The following SP110 variants were observed in gnomAD, a reference collection of about 807,000 sequenced individuals.
SP110 encodes the protein SP110 nuclear body protein.
SP110 carries 62 observed loss-of-function variants against 92.7 expected under a neutral mutation model. That is an observed-to-expected ratio of 0.67 (90% CI 0.55 to 0.83). The LOEUF (loss-of-function observed/expected upper bound fraction) is 0.83, where lower values mean the gene tolerates loss of function less well. SP110 is among the 40% of genes least tolerant of loss of function. The probability of loss-of-function intolerance (pLI) is 0.00; values close to 1 mark genes in which losing one functional copy is unlikely to be tolerated. For missense variants in SP110, 793 were observed against 863.9 expected (o/e 0.92, Z 1.03); for synonymous variants, 273 against 305.3 (o/e 0.89, Z 1.10).
intron 11 of SP110, 94 bp downstream of exon 11, chr2:230,185,900 C>T (rs749778910): frequency 2.6e-5 from 28 of 1,059,952 alleles, no homozygotes; most frequent in Non-Finnish European, 3.9e-5. Flanking sequence ...CCTCCTTCTA[C>T]TATTGACTTT....
intron 12 of SP110, among the ~76,000 whole-genome samples, chr2:230,182,191 C>A (rs1395546886): frequency 6.6e-6 from 1 of 151,502 alleles, no homozygotes; most frequent in Non-Finnish European, 1.5e-5. Context: ...TTATCCTCAG[C>A]AAACTAATGC....
At chr2:230,175,910 A>G (rs2041835842) in intron 14 of SP110, among the ~76,000 whole-genome samples, 3 of 148,586 alleles carry the variant, frequency 2.0e-5, no homozygotes, top group Admixed American at 2.0e-4. Context: ...TGTCTATTTC[A>G]ATGCCTTTTC....
chr2:230,206,133 A>G (rs2043773582), intron 8 of SP110, among the ~76,000 whole-genome samples: 4 of 152,174 alleles, frequency 2.6e-5, no homozygotes, highest in Admixed American at 2.6e-4. Context: ...ATGATAAACT[A>G]AGTCAGGGAA....
At chr2:230,194,460 A>T (rs189312018) in intron 10 of SP110, among the ~76,000 whole-genome samples, 20 of 135,224 alleles carry the variant, frequency 1.5e-4, no homozygotes, top group African/African-American at 5.2e-4. Context: ...AATAAATTAA[A>T]AAAAGAAAAA....
intron 10 of SP110, among the ~76,000 whole-genome samples, chr2:230,191,090 G>C (rs1454718083): frequency 6.6e-6 from 1 of 151,848 alleles, no homozygotes; most frequent in Non-Finnish European, 1.5e-5. Context: ...TTCTAATTCT[G>C]TGAAGAATGT....
chr2:230,202,853 T>C (rs1293692993), intron 8 of SP110, 125 bp from the exon 9 acceptor site: 1 of 884,066 alleles, frequency 1.1e-6, no homozygotes, highest in East Asian at 2.4e-5. Context: ...TGTACCCCTG[T>C]ACCTCACTTT....
chr2:230,192,435 A>T (rs967181222), intron 10 of SP110, among the ~76,000 whole-genome samples: 2 of 152,218 alleles, frequency 1.3e-5, no homozygotes, highest in African/African-American at 2.4e-5. Context: ...ACTTCAACAA[A>T]GTCTCAGGAT....
rs2148926458 is a variant in SP110, at chr2:230,212,908, G to A, written c.436C>T (p.Gln146Ter). 1 of 1,614,128 alleles carries A rather than the reference G, an allele frequency of 6.2e-7. No homozygotes were observed. Residue 146 changes from glutamine to a stop codon, truncating the protein, a stop_gained, in exon 4 of 19, where the codon CAA (glutamine) becomes TAA (stop). Transcript: ENST00000258381. LOFTEE classifies it high-confidence loss of function. ...PLALPPPQPP[Q>*]PSCSPCAPRV... ...GGCGCACAGGGTGAACAGCTTGGTT[G>A]AGGGGGTTGTGGTGGGGGCAGCGCC...
rs2041945632 is a variant in SP110, at chr2:230,178,015, A to G, written c.1447+142T>C. The G allele has an allele frequency of 4.2e-6, 3 of 709,658 alleles. No individual in the cohort carries two copies. The Admixed American group carries it at 6.2e-5, about 15-fold the overall frequency. 44.0% of individuals were successfully genotyped at this position (709,658 alleles called of 1,614,324 possible). A position where few individuals can be genotyped will look rare whatever the true frequency, so the allele number is the denominator to read the frequency against. ...AATACCATGATGTGGAAGAGTTTGG[A>G]AATTCCTTCCTAAGAAGCGTTTCTT... On this transcript the variant is annotated intron_variant, in intron 13 of 18. Coordinates refer to ENST00000258381, the MANE Select transcript of SP110 (RefSeq NM_080424.4).
rs1219037701 is a variant in SP110 at position 230,212,864 on chromosome 2, T to C, written c.480A>G (p.Gly160=). ...SPCAPRVSEP[G]TSSQQSDEIL... ...TCTCATCGCTTTGCTGGGAGGATGT[T>C]CCAGGCTCACTGACTCTTGGCGCAC... is the stretch of plus-strand genomic sequence containing the variant. Residue 160 remains glycine, a synonymous_variant, in exon 4 of 19, where the codon GGA becomes GGG. Coordinates refer to ENST00000258381, the MANE Select transcript of SP110 (RefSeq NM_080424.4). 6.2e-7 allele frequency: 1 copy of C among 1,614,072 alleles called. No individual in the cohort carries two copies. The highest frequency in any genetic ancestry group is 1.7e-4 in the Middle Eastern group (1 of 6,060).
chr2:230,219,996 C>A (rs201838369), upstream of SP110: 3 of 985,572 alleles, frequency 3.0e-6, no homozygotes, highest in Non-Finnish European at 3.6e-6. Context: ...CTTTGACAAA[C>A]GCAGTAAGGG....
At chr2:230,219,183 C>G (rs573348113) in intron 1 of SP110, among the ~76,000 whole-genome samples, 10 of 152,318 alleles carry the variant, frequency 6.6e-5, no homozygotes, top group African/African-American at 2.4e-4. Context: ...TGAGATGGTG[C>G]CATTGCACTC....
rs569401431 is a variant in SP110, at chr2:230,193,591, C to T, written c.1129+7294G>A. On this transcript the variant is annotated intron_variant, in intron 10 of 18. Transcript: ENST00000258381. ...TCAGCATTTGTTTGTCTAAAAATGA[C>T]TTTATTTCTCCTTCATTCATAAAAC... is the stretch of plus-strand genomic sequence containing the variant. Among the ~76,000 whole-genome samples the T allele has an allele frequency of 3.9e-5, 6 of 152,312 alleles. No homozygotes were observed. The South Asian group carries it at 1.0e-3, about 26-fold the overall frequency.
intron 15 of SP110, chr2:230,172,431 G>A (rs2078470456): frequency 1.8e-6 from 1 of 570,404 alleles, no homozygotes; most frequent in Non-Finnish European, 3.1e-6. Context: ...TGAGCTGCTG[G>A]GAGCACAAAG....
At chr2:230,170,226 A>C (rs1360556916) in intron 18 of SP110, among the ~76,000 whole-genome samples, 1 of 147,640 alleles carries the variant, frequency 6.8e-6, no homozygotes, top group Non-Finnish European at 1.5e-5. Context: ...CTGATTATCC[A>C]GGAAGTTTAA....
In SP110 at chr2:230,207,973, C is replaced by G. The variant is rs201827339; in HGVS notation, c.898+18G>C. 3 of 1,326,834 alleles carry G rather than the reference C, an allele frequency of 2.3e-6. No individual in the cohort carries two copies. The highest frequency in any genetic ancestry group is 3.2e-6 in the Non-Finnish European group (3 of 924,732). 82.2% of individuals were successfully genotyped at this position (1,326,834 alleles called of 1,614,324 possible). A position where few individuals can be genotyped will look rare whatever the true frequency, so the allele number is the denominator to read the frequency against. On this transcript the variant is annotated intron_variant, in intron 8 of 18. Coordinates refer to ENST00000258381, the MANE Select transcript of SP110 (RefSeq NM_080424.4). Reference sequence around the variant, plus strand: ...AGCTGTTTCCAGCCTCCAGCTTCCTCTTGTACTCTCATCTTACCTCCTGGG... The same window carrying G: ...AGCTGTTTCCAGCCTCCAGCTTCCTGTTGTACTCTCATCTTACCTCCTGGG...
At chr2:230,173,178 T>C (rs1036638756) in intron 14 of SP110, 1 of 521,060 alleles carries the variant, frequency 1.9e-6, no homozygotes, top group African/African-American at 1.9e-5. Context: ...CCAGGACTTT[T>C]CTTCTCTGGC....
At chr2:230,212,489 G>T in intron 4 of SP110, 59 bp from the exon 5 acceptor site, 1 of 1,376,636 alleles carries the variant, frequency 7.3e-7, no homozygotes, top group South Asian at 1.2e-5. Context: ...GGAGAAGAGT[G>T]AATGTTAAAA....
intron 11 of SP110, 61 bp downstream of exon 11, chr2:230,185,933 T>G: frequency 7.0e-7 from 1 of 1,432,714 alleles, no homozygotes; most frequent in African/African-American, 1.4e-5. Context: ...GACCCTGTAC[T>G]GCTCCAAGAG....
Sources: gnomAD v4.1 joint callset for allele counts (sites outside exome capture counted in the v4.1 genomes callset) on GRCh38, gnomAD v4.1.1 for gene constraint, MANE v1.5 for transcripts, NCBI Gene and HGNC (gene_info 2026-07-23, HGNC 2026-07-21) for gene names.